The following DCN variants were observed in gnomAD, a reference collection of about 807,000 sequenced individuals.
DCN encodes the protein bone proteoglycan II.
Under a neutral mutation model 36.5 loss-of-function variants are expected in DCN, and 17 were observed. The ratio of observed to expected loss-of-function variants is 0.47; its 90% CI spans 0.32 to 0.70. The LOEUF is 0.70. Ranked by LOEUF, DCN falls within the 30% of genes least tolerant of loss-of-function variation. The pLI is 0.04. For missense variants in DCN, 389 were observed against 430.1 expected, an observed-to-expected ratio of 0.90 and a Z score of 0.84; for synonymous variants, 163 against 161.4, an observed-to-expected ratio of 1.01 and a Z score of -0.07.
intron 2 of DCN, among the ~76,000 whole-genome samples, chr12:91,174,424 T>C (rs570903677): frequency 2.0e-4 from 31 of 152,208 alleles, no homozygotes; most frequent in African/African-American, 6.7e-4. Flanking sequence ...GAATTGAGAA[T>C]AATAAGTATA....
At chr12:91,179,483 T>G (rs1371199949) in intron 1 of DCN, 2 of 152,268 alleles carry the variant, frequency 1.3e-5, no homozygotes, top group Non-Finnish European at 2.9e-5. Flanking sequence ...TGCTCTTACC[T>G]CTTTTAAAGA....
intron 2 of DCN, among the ~76,000 whole-genome samples, chr12:91,168,151 G>A (rs1460604466): frequency 6.6e-6 from 1 of 152,122 alleles, no homozygotes; most frequent in Non-Finnish European, 1.5e-5. Context: ...ATTTATGCAT[G>A]TGATCATTGT....
intron 3 of DCN, among the ~76,000 whole-genome samples, chr12:91,163,194 T>C (rs1001554343): frequency 2.0e-5 from 3 of 152,258 alleles, no homozygotes; most frequent in East Asian, 1.9e-4. Context: ...TCTGGTGTTC[T>C]GTGTGAACAA....
chr12:91,151,369 C>G (rs1421478646), intron 7 of DCN: 2 of 387,304 alleles, frequency 5.2e-6, no homozygotes, highest in East Asian at 5.7e-5. Context: ...CCCCTACTCA[C>G]TATGGCACCA....
chr12:91,151,871 T>G, intron 6 of DCN, 79 bp from the exon 7 acceptor site: 1 of 1,558,578 alleles, frequency 6.4e-7, no homozygotes, highest in Non-Finnish European at 8.8e-7. Flanking sequence ...TAATCAAGTC[T>G]ATAGGAAAGG....
intron 2 of DCN, among the ~76,000 whole-genome samples, chr12:91,168,120 C>T (rs1271152634): frequency 1.3e-5 from 2 of 152,184 alleles, no homozygotes; most frequent in South Asian, 4.2e-4. Flanking sequence ...TGTGAGCCAC[C>T]GTGCCTAGCC....
In DCN at chr12:91,144,353, A is replaced by T. The variant is rs888621479; in HGVS notation, c.*1705T>A. 2 of 152,226 alleles carry T rather than the reference A, an allele frequency of 1.3e-5. No individual in the cohort carries two copies. Among genetic ancestry groups the T allele is most frequent in the African/African-American group, 4.8e-5 (2 of 41,458 alleles). The allele number at this position is 152,226 out of a possible 1,614,324, so 9.4% of individuals were successfully genotyped here. A position where few individuals can be genotyped will look rare whatever the true frequency, so the allele number is the denominator to read the frequency against. On this transcript the variant is annotated 3_prime_UTR_variant, in exon 8 of 8. Transcript: ENST00000052754. ...GTCCAGCTCTGAACAACAACAAAAA[A>T]AGTCCATTTATGGACATGCACCTTG...
At chr12:91,163,638 C>T (rs1161293814) in intron 3 of DCN, among the ~76,000 whole-genome samples, 1 of 151,986 alleles carries the variant, frequency 6.6e-6, no homozygotes, top group Non-Finnish European at 1.5e-5. Context: ...ATAGACTGAA[C>T]ATTATGATAG....
At chr12:91,172,507 G>T in intron 2 of DCN, 1 of 250,416 alleles carries the variant, frequency 4.0e-6, no homozygotes, top group Non-Finnish European at 7.7e-6. Context: ...ATCTGACTGC[G>T]TTATCAGTTA....
intron 3 of DCN, among the ~76,000 whole-genome samples, chr12:91,161,400 A>G (rs1882147543): frequency 6.6e-6 from 1 of 152,244 alleles, no homozygotes; most frequent in Non-Finnish European, 1.5e-5. Context: ...AACAGTAGCT[A>G]TAAGGCAAAC....
chr12:91,157,108 T>C lies in DCN; in HGVS notation c.619A>G (p.Ile207Val), dbSNP rs777628468. Reference protein sequence around the residue: ...QGMKKLSYIRIADTNITSIPQ... With the variant: ...QGMKKLSYIRVADTNITSIPQ... ...ATGCTGGTGATATTGGTATCAGCAA[T>C]GCGGATGTAGGAGAGCTTCTTCATT... is the stretch of plus-strand genomic sequence containing the variant. Residue 207 changes from isoleucine (I) to valine (V), a missense_variant, in exon 5 of 8, where the codon ATT becomes GTT. By Grantham distance (29) the Ile-to-Val change is conservative. Coordinates refer to ENST00000052754, the MANE Select transcript of DCN (RefSeq NM_001920.5). 7 of 1,612,492 alleles carry C rather than the reference T, an allele frequency of 4.3e-6. No homozygotes were observed. Among genetic ancestry groups the C allele is most frequent in the Non-Finnish European group, 5.9e-6 (7 of 1,178,554 alleles).
At chr12:91,176,521 G>A (rs1883296078) in intron 2 of DCN, 1 of 152,048 alleles carries the variant, frequency 6.6e-6, no homozygotes, top group Non-Finnish European at 1.5e-5. Context: ...TGTTGTTGTT[G>A]TTTCACTTTG....
rs76493240 is a variant in DCN, at chr12:91,151,206, T to A, written c.885+448A>T. The A allele has an allele frequency of 1.5e-5, 3 of 202,390 alleles. No homozygotes were observed. In the South Asian group the frequency reaches 2.4e-4, roughly 16 times the overall value. The allele number at this position is 202,390 out of a possible 1,614,324, so 12.5% of individuals were successfully genotyped here. A position where few individuals can be genotyped will look rare whatever the true frequency, so the allele number is the denominator to read the frequency against. ...CTGCAAACGTATCTCATTTTTTTTT[T>A]AGAGGAAATAAAGAAAAATGATGAG... On this transcript the variant is annotated intron_variant, in intron 7 of 7. Coordinates refer to ENST00000052754, the MANE Select transcript of DCN (RefSeq NM_001920.5).
At chr12:91,158,932 A>G (rs113219551) in intron 3 of DCN, among the ~76,000 whole-genome samples, 20 of 152,062 alleles carry the variant, frequency 1.3e-4, no homozygotes, top group Non-Finnish European at 2.4e-4. Context: ...ACTGCACTCC[A>G]GCCTTGGTGA....
intron 2 of DCN, among the ~76,000 whole-genome samples, chr12:91,174,351 A>T (rs905103664): frequency 2.3e-4 from 35 of 151,990 alleles, no homozygotes; most frequent in African/African-American, 8.0e-4. Context: ...CTCTAATAAG[A>T]CTCTAAATAA....
chr12:91,147,272 C>G (rs941524200), intron 7 of DCN, among the ~76,000 whole-genome samples: 1 of 152,178 alleles, frequency 6.6e-6, no homozygotes, highest in Non-Finnish European at 1.5e-5. Context: ...GTTTACTCAA[C>G]CTGGAATAAT....
At chr12:91,153,301 C>T in intron 5 of DCN, 112 bp from the exon 6 acceptor site, 1 of 730,040 alleles carries the variant, frequency 1.4e-6, no homozygotes, top group Non-Finnish European at 2.5e-6. Flanking sequence ...CACACAGTTT[C>T]AAAGAATCAG....
rs530514972 is a variant in DCN at position 91,177,882 on chromosome 12, T to C, written c.211+460A>G. The stretch of plus-strand genomic sequence containing the variant: ...GTGTTTTGCTTTTGATAACTGATTA[T>C]TTTACAATTTAGTAATGTTGAAACT... On this transcript the variant is annotated intron_variant, in intron 2 of 7. Transcript: ENST00000052754. 266 of 498,934 alleles carry C rather than the reference T, an allele frequency of 5.3e-4. 4 individuals carry two copies. The highest frequency in any genetic ancestry group is 4.9e-3 in the South Asian group (256 of 51,732). 30.9% of individuals were successfully genotyped at this position (498,934 alleles called of 1,614,324 possible).
At chr12:91,150,326 G>A (rs74840278) in intron 7 of DCN, among the ~76,000 whole-genome samples, 206 of 152,216 alleles carry the variant, frequency 1.4e-3, no homozygotes, top group African/African-American at 4.6e-3. Flanking sequence ...TCCAACAAAT[G>A]ACATTGGGAC....
Sources: gnomAD v4.1 joint callset for allele counts (sites outside exome capture counted in the v4.1 genomes callset) on GRCh38, gnomAD v4.1.1 for gene constraint, MANE v1.5 for transcripts, NCBI Gene and HGNC (gene_info 2026-07-23, HGNC 2026-07-21) for gene names.